Variants in NBEA observed in about 807,000 individuals in gnomAD.
The protein encoded by NBEA is neurobeachin.
In NBEA, 44 loss-of-function variants were observed where a neutral mutation model predicts 343.4. The observed-to-expected ratio is 0.13, with a 90% CI of 0.10 to 0.16. The LOEUF is 0.16. Ranked by LOEUF, NBEA falls within the 10% of genes least tolerant of loss-of-function variation. NBEA has a pLI of 1.00. For missense variants in NBEA, 2,555 were observed against 3,631.3 expected, an observed-to-expected ratio of 0.70 and a Z score of 7.62; for synonymous variants, 1,175 against 1,238.7, an observed-to-expected ratio of 0.95 and a Z score of 1.08.
At chr13:35,473,072 T>G (rs1212265846) in intron 41 of NBEA, among the ~76,000 whole-genome samples, 1 of 152,236 alleles carries the variant, frequency 6.6e-6, no homozygotes, top group Non-Finnish European at 1.5e-5. Flanking sequence ...GCTTTGATTT[T>G]AAATATATAT....
At chr13:35,578,818 A>G (rs1017652844) in intron 45 of NBEA, among the ~76,000 whole-genome samples, 1 of 152,204 alleles carries the variant, frequency 6.6e-6, no homozygotes, top group Admixed American at 6.5e-5. Flanking sequence ...TTCAGATTTC[A>G]GAATATTTGC....
chr13:35,544,876 A>G (rs1052641568), intron 41 of NBEA, among the ~76,000 whole-genome samples: 12 of 152,222 alleles, frequency 7.9e-5, no homozygotes, highest in Admixed American at 2.0e-4. Flanking sequence ...GTTCTCAAAA[A>G]TGAAACTGGA....
chr13:35,571,763 ATAAT>A (rs1335306801), intron 45 of NBEA, among the ~76,000 whole-genome samples: 1 of 152,072 alleles, frequency 6.6e-6, no homozygotes, highest in Admixed American at 6.5e-5. Flanking sequence ...AATTCAATAA[ATAAT>A]TCTGTTTTAT....
chr13:35,073,426 A>G (rs1040107829), intron 10 of NBEA, among the ~76,000 whole-genome samples: 1 of 152,144 alleles, frequency 6.6e-6, no homozygotes, highest in Non-Finnish European at 1.5e-5. Context: ...TCTAATTTTT[A>G]ATTACTTTTT....
intron 35 of NBEA, among the ~76,000 whole-genome samples, chr13:35,300,670 A>C (rs542266332): frequency 3.9e-4 from 60 of 152,206 alleles, no homozygotes; most frequent in Non-Finnish European, 7.5e-4. Flanking sequence ...AGGGCGATAG[A>C]AATAGAAATT....
chr13:35,063,669 G>T (rs771107521), intron 8 of NBEA, among the ~76,000 whole-genome samples: 46 of 151,972 alleles, frequency 3.0e-4, no homozygotes, highest in Non-Finnish European at 5.0e-4. Context: ...ATTTGAAAAG[G>T]ATCACTCTGG....
chr13:35,018,150 G>A (rs1277835402), intron 1 of NBEA, among the ~76,000 whole-genome samples: 2 of 151,974 alleles, frequency 1.3e-5, no homozygotes. Flanking sequence ...GATTTTTGTG[G>A]CTTCCTTGTA....
intron 41 of NBEA, among the ~76,000 whole-genome samples, chr13:35,494,046 A>G (rs1376969882): frequency 6.6e-6 from 1 of 151,980 alleles, no homozygotes; most frequent in Non-Finnish European, 1.5e-5. Flanking sequence ...TTTTAAAAAC[A>G]ACTCTATATA....
At position 35,275,068 on chromosome 13, in the gene NBEA, G is replaced by A. The variant is rs561296291; in HGVS notation, c.5777-15321G>A. 1.2e-4 allele frequency among the ~76,000 whole-genome samples: 18 copies of A among 152,062 alleles called. No homozygotes were observed. In the East Asian group the frequency reaches 3.5e-3, roughly 29 times the overall value. The stretch of plus-strand genomic sequence containing the variant: ...AGCCAAGACAATCCTAAGCAAAAAG[G>A]ACAAAGGTGGAGGCATCATGCTACC... On this transcript the variant is annotated intron_variant, in intron 34 of 58. Transcript: ENST00000379939.
intron 27 of NBEA, 84 bp downstream of exon 27, chr13:35,173,678 T>C: frequency 7.3e-7 from 1 of 1,364,230 alleles, no homozygotes; most frequent in Non-Finnish European, 1.0e-6. Flanking sequence ...TGCCATGGTA[T>C]TGCTCAGTGA....
At chr13:35,333,960 G>T (rs907346266) in intron 36 of NBEA, among the ~76,000 whole-genome samples, 1 of 151,918 alleles carries the variant, frequency 6.6e-6, no homozygotes, top group Non-Finnish European at 1.5e-5. Context: ...GGACATTTAG[G>T]ATGCTTCCAA....
At chr13:35,035,927 T>C (rs535493288) in intron 1 of NBEA, among the ~76,000 whole-genome samples, 9 of 152,126 alleles carry the variant, frequency 5.9e-5, no homozygotes, top group African/African-American at 2.2e-4. Flanking sequence ...GTGTTTCTTT[T>C]AGGCAACAGA....
intron 8 of NBEA, among the ~76,000 whole-genome samples, chr13:35,067,246 A>AT (rs879585442): frequency 6.6e-6 from 1 of 152,090 alleles, no homozygotes; most frequent in East Asian, 1.9e-4. Flanking sequence ...GAATCTCTTC[A>AT]TTTGTTTCTG....
chr13:35,093,959 T>C (rs1593322652), intron 10 of NBEA, among the ~76,000 whole-genome samples: 1 of 151,744 alleles, frequency 6.6e-6, no homozygotes, highest in African/African-American at 2.4e-5. Flanking sequence ...TATATAAATT[T>C]TGTTACATAC....
At chr13:35,183,093 T>C (rs1406765000) in intron 29 of NBEA, among the ~76,000 whole-genome samples, 2 of 152,038 alleles carry the variant, frequency 1.3e-5, no homozygotes, top group Non-Finnish European at 2.9e-5. Context: ...TGAACCACCT[T>C]GGGTCATGCT....
chr13:35,168,993 A>G lies in NBEA; in HGVS notation c.4240A>G (p.Lys1414Glu). Reference protein sequence around the residue: ...LSAATSPTGSKTELENIEVTQ... With the variant: ...LSAATSPTGSETELENIEVTQ... ...TTGTCTAATGCATGTCCAGGGTTCT[A>G]AGGTTAGTATTACTTTTGTAGTAAT... The change falls in exon 25 of 59, where the codon AAG becomes GAG. Residue 1414 changes from lysine (K) to glutamate (E), a missense_variant and splice_region_variant. This residue lies in a region of NBEA where 168 missense variants were observed against 193.0 expected (regional missense o/e 0.87). Coordinates refer to ENST00000379939, the MANE Select transcript of NBEA (RefSeq NM_001385012.1). 1 of 1,498,914 alleles carries G rather than the reference A, an allele frequency of 6.7e-7. No individual in the cohort carries two copies. Among genetic ancestry groups the G allele is most frequent in the Non-Finnish European group, 8.9e-7 (1 of 1,126,958 alleles). 92.9% of individuals were successfully genotyped at this position (1,498,914 alleles called of 1,614,324 possible). A position where few individuals can be genotyped will look rare whatever the true frequency, so the allele number is the denominator to read the frequency against.
At chr13:35,524,439 T>C (rs1230640714) in intron 41 of NBEA, among the ~76,000 whole-genome samples, 1 of 152,190 alleles carries the variant, frequency 6.6e-6, no homozygotes, top group African/African-American at 2.4e-5. Context: ...AAGTACTTAG[T>C]AGAGTTTTCC....
chr13:35,559,862 C>T (rs1448305153), intron 44 of NBEA, among the ~76,000 whole-genome samples: 9 of 142,952 alleles, frequency 6.3e-5, no homozygotes, highest in Non-Finnish European at 1.1e-4. Flanking sequence ...ACCCGGGAGG[C>T]GGAGCTTGCA....
chr13:35,444,061 G>A (rs2152939134), intron 39 of NBEA, among the ~76,000 whole-genome samples: 1 of 152,028 alleles, frequency 6.6e-6, no homozygotes, highest in East Asian at 1.9e-4. Flanking sequence ...GACTGTTCTA[G>A]TGTGTATCTA....
Sources: allele counts gnomAD v4.1 joint callset (sites outside exome capture counted in the v4.1 genomes callset), GRCh38; gene constraint gnomAD v4.1.1; regional missense constraint gnomAD v4.1.1; transcripts MANE v1.5; gene names NCBI Gene and HGNC (gene_info 2026-07-23, HGNC 2026-07-21).